The following PIP5K1B variants were observed in gnomAD, a reference collection of about 807,000 sequenced individuals.
The protein encoded by PIP5K1B is phosphatidylinositol-4-phosphate 5-kinase type 1 beta.
In PIP5K1B, 42 loss-of-function variants were observed where a neutral mutation model predicts 67.0. The observed-to-expected ratio is 0.63, with a 90% CI of 0.49 to 0.81. The LOEUF (loss-of-function observed/expected upper bound fraction) is 0.81. Among genes scored for constraint, PIP5K1B ranks in the 30% least tolerant of loss-of-function variants. The pLI, the probability that PIP5K1B is intolerant of heterozygous loss-of-function variation, is 0.00. For synonymous variants in PIP5K1B, 214 were observed against 231.4 expected, an observed-to-expected ratio of 0.92 and a Z score of 0.68; for missense variants, 459 against 646.3, an observed-to-expected ratio of 0.71 and a Z score of 3.14.
Position 68,934,939 on chromosome 9 carries a change from A to G in PIP5K1B, c.1251A>G (p.Leu417=). 1 of 1,613,236 alleles carries G rather than the reference A, an allele frequency of 6.2e-7. No homozygotes were observed. Among genetic ancestry groups the G allele is most frequent in the Non-Finnish European group, 8.5e-7 (1 of 1,179,436 alleles). Residue 417 remains leucine (L), a synonymous_variant, in exon 13 of 16, where the codon CTA becomes CTG. Coordinates refer to ENST00000265382, the MANE Select transcript of PIP5K1B (RefSeq NM_003558.4). ...AACGGTGCAATTCAATCGCCGCCCT[A>G]AAGGCCACTTCACAGGAGATTGTGT... is the stretch of plus-strand genomic sequence containing the variant. The part of the protein sequence containing the change: ...SKKRCNSIAA[L]KATSQEIVSS...
chr9:68,715,929 A>G (rs1827615298), intron 1 of PIP5K1B, among the ~76,000 whole-genome samples: 1 of 152,192 alleles, frequency 6.6e-6, no homozygotes, highest in Non-Finnish European at 1.5e-5. Flanking sequence ...GGCATGATAT[A>G]AAATATTTCT....
chr9:68,844,229 C>G (rs184632041), intron 4 of PIP5K1B, among the ~76,000 whole-genome samples: 14 of 152,288 alleles, frequency 9.2e-5, no homozygotes, highest in African/African-American at 3.4e-4. Flanking sequence ...TCAGCCAACA[C>G]TGAGTTAAGC....
rs117526839 is a variant in PIP5K1B, at chr9:68,814,488, A to G, written c.-85-3973A>G. ...AGTAGACATACAGGAGAACATGGCA[A>G]AACTATAATTATATTAGGGAATTTT... On this transcript the variant is annotated intron_variant, in intron 2 of 15. Transcript: ENST00000265382. 6.9e-3 allele frequency among the ~76,000 whole-genome samples: 1,052 copies of G among 152,324 alleles called. 9 individuals carry two copies. Among genetic ancestry groups the G allele is most frequent in the Non-Finnish European group, 0.011 (745 of 68,034 alleles).
At chr9:68,919,451 A>G (rs1289828256) in intron 9 of PIP5K1B, 28 bp from the exon 10 acceptor site, 3 of 1,134,876 alleles carry the variant, frequency 2.6e-6, no homozygotes, top group Non-Finnish European at 3.9e-6. Flanking sequence ...TATGTAATCA[A>G]ATATTTTCTC....
chr9:68,811,524 C>T (rs1833165161), intron 2 of PIP5K1B, among the ~76,000 whole-genome samples: 1 of 152,148 alleles, frequency 6.6e-6, no homozygotes. Context: ...ACTGTCTTCT[C>T]CATGCTTCTA....
At chr9:68,768,698 A>G (rs1587414721) in intron 2 of PIP5K1B, among the ~76,000 whole-genome samples, 1 of 152,222 alleles carries the variant, frequency 6.6e-6, no homozygotes, top group South Asian at 2.1e-4. Context: ...TTTAACCTCT[A>G]TTAAAAAATT....
chr9:68,997,824 T>C (rs1418579263), intron 15 of PIP5K1B, among the ~76,000 whole-genome samples: 2 of 152,154 alleles, frequency 1.3e-5, no homozygotes, highest in Non-Finnish European at 2.9e-5. Flanking sequence ...CATAGGATTT[T>C]TTTAAAAAAC....
At chr9:68,852,395 A>T (rs1822538331) in intron 4 of PIP5K1B, among the ~76,000 whole-genome samples, 1 of 151,840 alleles carries the variant, frequency 6.6e-6, no homozygotes, top group Admixed American at 6.6e-5. Flanking sequence ...CTATTTCTAG[A>T]TCCCAGAGTA....
At chr9:68,810,996 CA>C (rs990541452) in intron 2 of PIP5K1B, among the ~76,000 whole-genome samples, 3 of 152,112 alleles carry the variant, frequency 2.0e-5, no homozygotes, top group African/African-American at 7.2e-5. Flanking sequence ...AACCCTGGAT[CA>C]AATCTCAGCC....
intron 8 of PIP5K1B, among the ~76,000 whole-genome samples, chr9:68,905,210 C>T (rs2132457869): frequency 6.6e-6 from 1 of 152,132 alleles, no homozygotes; most frequent in Non-Finnish European, 1.5e-5. Context: ...CCCCCAAGGA[C>T]CCCTCTTCTC....
intron 2 of PIP5K1B, among the ~76,000 whole-genome samples, chr9:68,788,152 T>C (rs1831736746): frequency 6.6e-6 from 1 of 152,124 alleles, no homozygotes; most frequent in South Asian, 2.1e-4. Context: ...GGTGACCCTT[T>C]CCTCCCTTGA....
intron 7 of PIP5K1B, among the ~76,000 whole-genome samples, chr9:68,890,452 G>T (rs1824728674): frequency 6.6e-6 from 1 of 152,138 alleles, no homozygotes; most frequent in African/African-American, 2.4e-5. Flanking sequence ...GCTATGAGTG[G>T]TGATAAATAT....
intron 6 of PIP5K1B, among the ~76,000 whole-genome samples, chr9:68,880,243 C>T (rs1483536714): frequency 6.6e-6 from 1 of 152,066 alleles, no homozygotes; most frequent in Non-Finnish European, 1.5e-5. Flanking sequence ...CTTTTATGTA[C>T]GTAAATATAA....
At position 69,007,360 on chromosome 9, in the gene PIP5K1B, G is replaced by T. The variant is rs889160095; in HGVS notation, c.1621-1087G>T. Among the ~76,000 whole-genome samples the T allele has an allele frequency of 7.2e-5, 11 of 152,186 alleles. No individual in the cohort carries two copies. The South Asian group carries it at 2.3e-3, about 32-fold the overall frequency. ...CTCCAACCTTCTTCACTACAATTTTGGGGGTACTAGCACATGCCAGGTACA... is the reference window on the plus strand; with the variant it reads ...CTCCAACCTTCTTCACTACAATTTTTGGGGTACTAGCACATGCCAGGTACA... On this transcript the variant is annotated intron_variant, in intron 15 of 15. Coordinates refer to ENST00000265382, the MANE Select transcript of PIP5K1B (RefSeq NM_003558.4).
chr9:68,851,820 C>T (rs1822500419), intron 4 of PIP5K1B, among the ~76,000 whole-genome samples: 1 of 152,178 alleles, frequency 6.6e-6, no homozygotes, highest in African/African-American at 2.4e-5. Flanking sequence ...AGAGTTTGTG[C>T]CCCCTCTTCC....
chr9:68,831,771 G>C (rs1210489343), intron 4 of PIP5K1B, among the ~76,000 whole-genome samples: 1 of 152,052 alleles, frequency 6.6e-6, no homozygotes, highest in Non-Finnish European at 1.5e-5. Flanking sequence ...CGCTGCCCGG[G>C]TTCAAGCCAC....
At chr9:68,803,157 T>C (rs1832693253) in intron 2 of PIP5K1B, among the ~76,000 whole-genome samples, 1 of 152,184 alleles carries the variant, frequency 6.6e-6, no homozygotes, top group Non-Finnish European at 1.5e-5. Flanking sequence ...ATTTCAGGCT[T>C]GGACAACTGG....
At chr9:68,816,055 T>C (rs574411458) in intron 2 of PIP5K1B, among the ~76,000 whole-genome samples, 28 of 152,336 alleles carry the variant, frequency 1.8e-4, no homozygotes, top group Admixed American at 9.8e-4. Flanking sequence ...AATAACTATA[T>C]ATAATCCCAG....
chr9:68,723,694 G>GTTTT (rs1224332057), intron 1 of PIP5K1B, among the ~76,000 whole-genome samples: 3 of 36,720 alleles, frequency 8.2e-5, no homozygotes, highest in Admixed American at 6.1e-4. Context: ...TGAAGTATTT[G>GTTTT]GTTTTTTTTT....
Sources: gnomAD v4.1 joint callset for allele counts (sites outside exome capture counted in the v4.1 genomes callset) on GRCh38, gnomAD v4.1.1 for gene constraint, MANE v1.5 for transcripts, NCBI Gene and HGNC (gene_info 2026-07-23, HGNC 2026-07-21) for gene names.